RGPD8: variants seen among roughly 807,000 people sequenced by gnomAD.
The protein encoded by RGPD8 is RANBP2-like and GRIP domain-containing protein 8.
Under a neutral mutation model 89.1 loss-of-function variants are expected in RGPD8, and 15 were observed. That is an observed-to-expected ratio of 0.17 (90% confidence interval 0.11 to 0.26). RGPD8 has a LOEUF of 0.26. RGPD8 is among the 10% of genes least tolerant of loss of function. RGPD8 has a pLI of 1.00. For synonymous variants in RGPD8, 62 were observed against 420.9 expected, an observed-to-expected ratio of 0.15 and a Z score of 10.44; for missense variants, 178 against 1,179.6, an observed-to-expected ratio of 0.15 and a Z score of 12.44.
intron 1 of RGPD8, among the ~76,000 whole-genome samples, chr2:112,429,628 T>G (rs62157483): frequency 0.023 from 3,494 of 151,854 alleles, 62 homozygotes; most frequent in Admixed American, 0.035. Flanking sequence ...CGCCCAAAAA[T>G]TTGATGAGCA....
At chr2:112,433,099 C>G (rs1242055762) in intron 1 of RGPD8, among the ~76,000 whole-genome samples, 1 of 102,740 alleles carries the variant, frequency 9.7e-6, no homozygotes, top group Non-Finnish European at 2.4e-5. Context: ...GCAGCGCCCT[C>G]GGGAGCCATG....
chr2:112,425,589 C>A (rs1377426640), intron 1 of RGPD8, among the ~76,000 whole-genome samples: 1 of 151,470 alleles, frequency 6.6e-6, no homozygotes, highest in Non-Finnish European at 1.5e-5. Flanking sequence ...CAGAAACCTC[C>A]TTTCTACTAA....
At chr2:112,411,311 T>TA (rs1211981574) in intron 7 of RGPD8, among the ~76,000 whole-genome samples, 1 of 141,504 alleles carries the variant, frequency 7.1e-6, no homozygotes, top group Non-Finnish European at 1.5e-5. Context: ...CTCATGTCTG[T>TA]AAATCCCAGC....
intron 1 of RGPD8, among the ~76,000 whole-genome samples, chr2:112,429,903 GTTCAAGCAATTCTCC>G (rs1188510705): frequency 6.6e-6 from 1 of 152,112 alleles, no homozygotes; most frequent in Non-Finnish European, 1.5e-5. Flanking sequence ...TGCCTCCAGG[GTTCAAGCAATTCTCC>G]TGTCTCAGCC....
intron 1 of RGPD8, among the ~76,000 whole-genome samples, chr2:112,425,986 T>C (rs909561573): frequency 3.3e-5 from 5 of 152,042 alleles, no homozygotes; most frequent in African/African-American, 1.2e-4. Context: ...TATCACACAC[T>C]GTGGCTGTAA....
chr2:112,432,441 G>T (rs1228653621), intron 1 of RGPD8: 1 of 981,002 alleles, frequency 1.0e-6, no homozygotes, highest in African/African-American at 1.8e-5. Context: ...CAAAGGGACA[G>T]CGACAAACAC....
intron 7 of RGPD8, among the ~76,000 whole-genome samples, chr2:112,411,064 A>C (rs1321323024): frequency 6.6e-6 from 1 of 152,270 alleles, no homozygotes; most frequent in East Asian, 1.9e-4. Context: ...AGCCTGGGCA[A>C]CAAGAGCAAA....
At chr2:112,413,470 T>A (rs1449090499) in intron 6 of RGPD8, among the ~76,000 whole-genome samples, 1 of 103,692 alleles carries the variant, frequency 9.6e-6, no homozygotes, top group Admixed American at 1.0e-4. Flanking sequence ...AATCCTAATG[T>A]TTCTCCAAAT....
intron 1 of RGPD8, among the ~76,000 whole-genome samples, chr2:112,429,248 G>A (rs1052800784): frequency 3.3e-5 from 5 of 151,650 alleles, no homozygotes; most frequent in African/African-American, 9.7e-5. Context: ...GTGAAACTCC[G>A]TCTCTACTAA....
chr2:112,419,511 CTG>C (rs1305852019), intron 4 of RGPD8, among the ~76,000 whole-genome samples: 2 of 148,760 alleles, frequency 1.3e-5, no homozygotes, highest in African/African-American at 4.9e-5. Flanking sequence ...ATGTCAGAAA[CTG>C]TTTACCTTAG....
chr2:112,413,043 T>G (rs1442433177), intron 6 of RGPD8, among the ~76,000 whole-genome samples: 3 of 110,142 alleles, frequency 2.7e-5, no homozygotes, highest in Non-Finnish European at 5.2e-5. Flanking sequence ...TATAAGTAAA[T>G]AACTGACAGG....
At chr2:112,426,162 C>A (rs999595403) in intron 1 of RGPD8, among the ~76,000 whole-genome samples, 2 of 152,152 alleles carry the variant, frequency 1.3e-5, no homozygotes, top group Non-Finnish European at 2.9e-5. Context: ...AAAGGAAGCA[C>A]TATATGGCTT....
At chr2:112,423,818 C>T (rs933157105) in intron 2 of RGPD8, among the ~76,000 whole-genome samples, 2 of 152,228 alleles carry the variant, frequency 1.3e-5, no homozygotes, top group African/African-American at 4.8e-5. Context: ...TACAGCATCA[C>T]ATATTGTGTC....
chr2:112,380,611 CCACTGCACTCCAGCCT>C (rs1678256731), intron 21 of RGPD8, among the ~76,000 whole-genome samples, 197 bp downstream of exon 21: 1 of 143,604 alleles, frequency 7.0e-6, no homozygotes, highest in Non-Finnish European at 1.5e-5. Flanking sequence ...TAAGATCGTG[CCACTGCACTCCAGCCT>C]GGGTGACAGA....
chr2:112,373,298 C>T (rs1271960144), intron 22 of RGPD8, among the ~76,000 whole-genome samples: 2 of 152,396 alleles, frequency 1.3e-5, no homozygotes, highest in East Asian at 3.9e-4. Flanking sequence ...CACTCTAAGT[C>T]ATTTTACCTT....
At chr2:112,429,105 G>A (rs1370271507) in intron 1 of RGPD8, among the ~76,000 whole-genome samples, 3 of 151,740 alleles carry the variant, frequency 2.0e-5, no homozygotes, top group Middle Eastern at 3.4e-3. Context: ...AGTTTTGGAG[G>A]AGCATAATAG....
At chr2:112,415,298 T>A (rs1303070931) in intron 6 of RGPD8, among the ~76,000 whole-genome samples, 5 of 152,262 alleles carry the variant, frequency 3.3e-5, no homozygotes, top group Non-Finnish European at 7.3e-5. Context: ...GGCAGAAGAA[T>A]GGCATGAACC....
chr2:112,377,280 G>GT (rs1189164529), intron 22 of RGPD8, among the ~76,000 whole-genome samples: 1,269 of 52,400 alleles, frequency 0.024, 76 homozygotes, highest in Non-Finnish European at 0.031. Flanking sequence ...CTACATCATA[G>GT]TTTTTTTTTT....
Position 112,433,403 on chromosome 2 carries a change from A to G in RGPD8, c.51T>C (p.Gly17=). 6.2e-7 allele frequency: 1 copy of G among 1,610,500 alleles called. No individual in the cohort carries two copies. The highest frequency in any genetic ancestry group is 8.5e-7 in the Non-Finnish European group (1 of 1,179,140). The change falls in exon 1 of 23, where the codon GGT becomes GGC. Residue 17 remains glycine (G), a synonymous_variant. Transcript: ENST00000302558. ...TCACCTGTCGAGGCGACGGGGTGAG[A>G]CCCAGCACCGAGGCGACGTACCGCT... ...DVERYVASVL[G]LTPSPRQKSM...
Sources: gnomAD v4.1 joint callset for allele counts (sites outside exome capture counted in the v4.1 genomes callset) on GRCh38, gnomAD v4.1.1 for gene constraint, MANE v1.5 for transcripts, NCBI Gene and HGNC (gene_info 2026-07-23, HGNC 2026-07-21) for gene names.